ARHGAP20: variants seen among roughly 807,000 people sequenced by gnomAD.
The protein encoded by ARHGAP20 is rho GTPase-activating protein 20.
ARHGAP20 carries 34 observed loss-of-function variants against 73.7 expected under a neutral mutation model. The ratio of observed to expected loss-of-function variants is 0.46; its 90% confidence interval spans 0.35 to 0.61. ARHGAP20 has a LOEUF of 0.61. ARHGAP20 is among the 20% of genes least tolerant of loss of function. The probability of loss-of-function intolerance (pLI) is 0.00; values close to 1 mark genes in which losing one functional copy is unlikely to be tolerated. For missense variants in ARHGAP20, 1,314 were observed against 1,420.9 expected (o/e 0.92, Z 1.21); for synonymous variants, 523 against 518.2 (o/e 1.01, Z -0.13).
intron 2 of ARHGAP20, among the ~76,000 whole-genome samples, chr11:110,632,561 C>T (rs957745093): frequency 2.0e-5 from 3 of 152,066 alleles, no homozygotes; most frequent in African/African-American, 4.8e-5. Context: ...TGCACCACCA[C>T]GCCCAACTAA....
chr11:110,635,825 G>T (rs758483317), intron 2 of ARHGAP20, among the ~76,000 whole-genome samples: 16 of 152,166 alleles, frequency 1.1e-4, no homozygotes, highest in Admixed American at 2.6e-4. Context: ...TCTTCTGGGG[G>T]AGTTGAAGAA....
intron 1 of ARHGAP20, chr11:110,711,826 G>C (rs1298985783): frequency 7.6e-7 from 1 of 1,314,318 alleles, no homozygotes; most frequent in Non-Finnish European, 9.7e-7. Context: ...CGCCTAGACT[G>C]AGGGAGGAGC....
intron 2 of ARHGAP20, among the ~76,000 whole-genome samples, chr11:110,632,231 T>A (rs1463725783): frequency 6.6e-6 from 1 of 152,136 alleles, no homozygotes; most frequent in Non-Finnish European, 1.5e-5. Flanking sequence ...AGAGTAGGTA[T>A]AAGTTTAATT....
intron 2 of ARHGAP20, among the ~76,000 whole-genome samples, chr11:110,668,095 T>G (rs1034730802): frequency 2.6e-5 from 4 of 152,214 alleles, no homozygotes; most frequent in Admixed American, 2.0e-4. Flanking sequence ...AAAGAAGTTC[T>G]GTGGGAAAAA....
At chr11:110,712,001 G>T in intron 1 of ARHGAP20, 126 bp downstream of exon 1, 2 of 1,239,554 alleles carry the variant, frequency 1.6e-6, no homozygotes, top group South Asian at 7.9e-5. Context: ...ATTAGGGGCC[G>T]CGAGCCTCGA....
rs17111507 is a variant in ARHGAP20 at position 110,606,167 on chromosome 11, A to G, written c.964+394T>C. Among the ~76,000 whole-genome samples, 1,504 of 152,350 alleles carry G rather than the reference A, an allele frequency of 9.9e-3. 13 individuals carry two copies. The highest frequency in any genetic ancestry group is 0.015 in the Non-Finnish European group (1,039 of 68,018). ...ATCAGAACTAGAATCCAGGTAGGGC[A>G]TCACAATCTTCTGACACCCATCATT... is the stretch of plus-strand genomic sequence containing the variant. On this transcript the variant is annotated intron_variant, in intron 9 of 14. Transcript: ENST00000683387.
intron 1 of ARHGAP20, among the ~76,000 whole-genome samples, chr11:110,710,925 A>T (rs1447989929): frequency 6.7e-6 from 1 of 150,358 alleles, no homozygotes; most frequent in Non-Finnish European, 1.5e-5. Context: ...CCCTTAAGAT[A>T]TTTCTTAAGG....
At chr11:110,650,568 T>C (rs1212287427) in intron 2 of ARHGAP20, among the ~76,000 whole-genome samples, 2 of 152,140 alleles carry the variant, frequency 1.3e-5, no homozygotes, top group Admixed American at 1.3e-4. Context: ...TCTCTACCTT[T>C]ATGTCTGTAG....
intron 9 of ARHGAP20, among the ~76,000 whole-genome samples, chr11:110,605,621 A>G (rs981106903): frequency 2.6e-5 from 4 of 152,244 alleles, no homozygotes; most frequent in Non-Finnish European, 5.9e-5. Context: ...CAATGAAGAT[A>G]AAAACAGTAT....
chr11:110,700,070 T>C (rs1950414348), intron 1 of ARHGAP20, among the ~76,000 whole-genome samples: 1 of 152,030 alleles, frequency 6.6e-6, no homozygotes, highest in Non-Finnish European at 1.5e-5. Flanking sequence ...AGAGATATAG[T>C]ACTATTTTTG....
chr11:110,578,205 T>A lies in ARHGAP20; in HGVS notation c.*1165A>T, dbSNP rs183874926. ...CAATGGGGTATAAGCCATGAAACAT[T>A]TGGGGCAAAAATATGGAACAACGTC... On this transcript the variant is annotated 3_prime_UTR_variant, in exon 15 of 15. Coordinates refer to ENST00000683387, the MANE Select transcript of ARHGAP20 (RefSeq NM_001384657.1). 2.0e-6 allele frequency: 2 copies of A among 985,262 alleles called. No homozygotes were observed. The highest frequency in any genetic ancestry group is 3.5e-5 in the African/African-American group (2 of 57,236). 61.0% of individuals were successfully genotyped at this position (985,262 alleles called of 1,614,324 possible).
intron 2 of ARHGAP20, among the ~76,000 whole-genome samples, chr11:110,681,450 G>A (rs564672457): frequency 6.6e-6 from 1 of 152,220 alleles, no homozygotes; most frequent in Admixed American, 6.5e-5. Flanking sequence ...TGAGGTCGTT[G>A]AGTTCATTCC....
chr11:110,694,031 T>C (rs929811072), intron 1 of ARHGAP20, among the ~76,000 whole-genome samples: 2 of 151,922 alleles, frequency 1.3e-5, no homozygotes, highest in African/African-American at 2.4e-5. Context: ...CGATAAACTA[T>C]ACATTTAGGC....
At chr11:110,701,797 A>G (rs937906342) in intron 1 of ARHGAP20, among the ~76,000 whole-genome samples, 134 of 152,160 alleles carry the variant, frequency 8.8e-4, no homozygotes, top group African/African-American at 3.2e-3. Context: ...AGCTTTCTAC[A>G]TATGGCTAGC....
intron 11 of ARHGAP20, among the ~76,000 whole-genome samples, chr11:110,587,333 T>C (rs1417199574): frequency 1.3e-5 from 2 of 152,230 alleles, no homozygotes; most frequent in Non-Finnish European, 2.9e-5. Flanking sequence ...CATGGTTGGC[T>C]ACCCTCTTGC....
intron 2 of ARHGAP20, among the ~76,000 whole-genome samples, chr11:110,659,781 A>C (rs1181564475): frequency 6.6e-6 from 1 of 152,046 alleles, no homozygotes; most frequent in Non-Finnish European, 1.5e-5. Flanking sequence ...GGAAATCATC[A>C]TTCTCAGTAA....
chr11:110,588,563 C>A (rs182283541), intron 11 of ARHGAP20, among the ~76,000 whole-genome samples: 164 of 152,248 alleles, frequency 1.1e-3, no homozygotes, highest in African/African-American at 3.8e-3. Flanking sequence ...GTAAAACATA[C>A]GATAAAATGT....
Position 110,614,573 on chromosome 11 carries a change from C to A in ARHGAP20, c.618G>T (p.Gly206=). ...TAGAAACACTTACGTAGGCACAATTCCCAATGTCCTTGGCGAAGATTTTGA... is the reference window on the plus strand; with the variant it reads ...TAGAAACACTTACGTAGGCACAATTACCAATGTCCTTGGCGAAGATTTTGA... The part of the protein sequence containing the change: ...IPLKIFAKDI[G]NCAYSKTITV... Residue 206 remains glycine (G), a synonymous_variant, in exon 6 of 15, where the codon GGG becomes GGT. Coordinates refer to ENST00000683387, the MANE Select transcript of ARHGAP20 (RefSeq NM_001384657.1). The A allele has an allele frequency of 6.2e-7, 1 of 1,613,048 alleles. No individual in the cohort carries two copies. Among genetic ancestry groups the A allele is most frequent in the Non-Finnish European group, 8.5e-7 (1 of 1,179,328 alleles).
intron 8 of ARHGAP20, among the ~76,000 whole-genome samples, chr11:110,608,273 A>T (rs1000897016): frequency 6.6e-6 from 1 of 152,176 alleles, no homozygotes; most frequent in Non-Finnish European, 1.5e-5. Context: ...TCTGGTAAAG[A>T]TACTGTCCTT....
Sources: gnomAD v4.1 joint callset for allele counts (sites outside exome capture counted in the v4.1 genomes callset) on GRCh38, gnomAD v4.1.1 for gene constraint, MANE v1.5 for transcripts, NCBI Gene and HGNC (gene_info 2026-07-23, HGNC 2026-07-21) for gene names.